The following CA4 variants were observed in gnomAD, a reference collection of about 807,000 sequenced individuals.
The protein encoded by CA4 is carbonic anhydrase 4.
CA4 carries 24 observed loss-of-function variants against 34.5 expected under a neutral mutation model. The observed-to-expected ratio is 0.70, with a 90% CI of 0.50 to 0.98. The LOEUF is 0.98. Ranked by LOEUF, CA4 falls within the 50% of genes least tolerant of loss-of-function variation. CA4 has a pLI of 0.00. For missense variants in CA4, 394 were observed against 396.7 expected (o/e 0.99, Z 0.06); for synonymous variants, 178 against 170.6 (o/e 1.04, Z -0.34).
At chr17:60,168,568 T>C (rs1476422231) in intron 5 of CA4, among the ~76,000 whole-genome samples, 1 of 150,210 alleles carries the variant, frequency 6.7e-6, no homozygotes, top group Admixed American at 6.6e-5. Flanking sequence ...CTTTTTTTTT[T>C]TTCGGTGGGG....
downstream of CA4, among the ~76,000 whole-genome samples, chr17:60,174,888 G>C (rs914915786): frequency 1.3e-5 from 2 of 152,226 alleles, no homozygotes; most frequent in Non-Finnish European, 2.9e-5. Context: ...AAGTCACTGT[G>C]AGCAATGCCA....
At chr17:60,150,708 G>A (rs1044353414) in intron 1 of CA4, among the ~76,000 whole-genome samples, 1 of 98,754 alleles carries the variant, frequency 1.0e-5, no homozygotes, top group Non-Finnish European at 2.0e-5. Context: ...TCTCGGACCC[G>A]CCTCAACGCA....
chr17:60,159,240 T>C lies in CA4; in HGVS notation c.755T>C (p.Phe252Ser). Residue 252 changes from phenylalanine (F) to serine (S), a missense_variant, in exon 8 of 8, where the codon TTC (phenylalanine) becomes TCC (serine). Transcript: ENST00000300900. The part of the protein sequence containing the change: ...IQLHREQILA[F>S]SQKLYYDKEQ... ...CCATCACTTCCGCAGATCCTGGCAT[T>C]CTCTCAGAAGCTGTACTACGACAAG... 1.2e-6 allele frequency: 2 copies of C among 1,602,406 alleles called. No individual in the cohort carries two copies. The highest frequency in any genetic ancestry group is 1.7e-6 in the Non-Finnish European group (2 of 1,174,492).
the CA4 span, among the ~76,000 whole-genome samples, chr17:60,178,093 A>G: frequency 6.6e-6 from 1 of 152,248 alleles, no homozygotes; most frequent in East Asian, 1.9e-4. Flanking sequence ...AAAGACAAAT[A>G]TCAAAATAAA....
chr17:60,159,116 G>T (rs1425062153), intron 7 of CA4, 114 bp from the exon 8 acceptor site: 7 of 878,448 alleles, frequency 8.0e-6, no homozygotes, highest in Non-Finnish European at 1.3e-5. Flanking sequence ...GGGGTTCAGA[G>T]CCCCTCTTTC....
downstream of CA4, among the ~76,000 whole-genome samples, chr17:60,162,364 C>T (rs1035796961): frequency 6.6e-6 from 1 of 152,166 alleles, no homozygotes; most frequent in African/African-American, 2.4e-5. Flanking sequence ...CCACCACCCC[C>T]AGCAGACCCC....
the CA4 span, among the ~76,000 whole-genome samples, chr17:60,176,636 G>T: frequency 1.3e-5 from 2 of 152,008 alleles, no homozygotes; most frequent in African/African-American, 4.8e-5. Context: ...CTCTCTACTT[G>T]CTTCCCTGCC....
intron 2 of CA4, among the ~76,000 whole-genome samples, 172 bp downstream of exon 2, chr17:60,155,539 T>TCA (rs150431420): frequency 2.6e-3 from 370 of 141,686 alleles, no homozygotes; most frequent in East Asian, 0.014. Context: ...TCTCTCTCTC[T>TCA]CACACACACA....
In CA4 at chr17:60,158,411, G is replaced by A. The variant is rs2229178; in HGVS notation, c.709G>A (p.Val237Met). ...CTGCGATGAGAAGGTCGTCTGGACT[G>A]TGTTCCGGGAGCCCATTCAGCTTCA... Reference protein sequence around the residue: ...PTCDEKVVWTVFREPIQLHRE... With the variant: ...PTCDEKVVWTMFREPIQLHRE... Residue 237 changes from valine to methionine, a missense_variant, in exon 7 of 8, where the codon GTG (valine) becomes ATG (methionine). Physicochemically the swap from Val to Met is conservative, Grantham distance 21. Coordinates refer to ENST00000300900, the MANE Select transcript of CA4 (RefSeq NM_000717.5). 6.2e-7 allele frequency: 1 copy of A among 1,614,126 alleles called. No individual in the cohort carries two copies. Among genetic ancestry groups the A allele is most frequent in the Admixed American group, 1.7e-5 (1 of 60,018 alleles).
downstream of CA4, among the ~76,000 whole-genome samples, chr17:60,161,184 C>T (rs1188167464): frequency 6.6e-6 from 1 of 151,888 alleles, no homozygotes; most frequent in African/African-American, 2.4e-5. Context: ...GGGTTGTTTT[C>T]CCTCCTGTGG....
chr17:60,152,108 C>T (rs2083602289), intron 1 of CA4, among the ~76,000 whole-genome samples: 1 of 152,084 alleles, frequency 6.6e-6, no homozygotes, highest in Non-Finnish European at 1.5e-5. Context: ...TGACAGGCGA[C>T]TGACTTTCGG....
chr17:60,166,756 G>A (rs568660058), intron 5 of CA4, among the ~76,000 whole-genome samples: 39 of 151,992 alleles, frequency 2.6e-4, no homozygotes, highest in South Asian at 1.9e-3. Context: ...TCAGGAGTTC[G>A]AGACCAGCCT....
At chr17:60,167,239 G>A (rs2083864767) in intron 5 of CA4, among the ~76,000 whole-genome samples, 1 of 152,188 alleles carries the variant, frequency 6.6e-6, no homozygotes, top group Non-Finnish European at 1.5e-5. Context: ...TTACAGGGAA[G>A]CATGGGTGCA....
chr17:60,153,751 G>C (rs932129433), intron 1 of CA4, among the ~76,000 whole-genome samples: 1 of 152,216 alleles, frequency 6.6e-6, no homozygotes, highest in Non-Finnish European at 1.5e-5. Flanking sequence ...CTGCTGGGGT[G>C]GCGAGTGGCC....
chr17:60,165,613 C>T (rs1276038049), intron 5 of CA4, among the ~76,000 whole-genome samples: 3 of 152,114 alleles, frequency 2.0e-5, no homozygotes, highest in Admixed American at 1.3e-4. Flanking sequence ...CCCCAGGAGC[C>T]GTGGGATTAC....
intron 1 of CA4, among the ~76,000 whole-genome samples, chr17:60,151,839 C>A (rs1567726811): frequency 6.6e-6 from 1 of 152,040 alleles, no homozygotes; most frequent in Non-Finnish European, 1.5e-5. Context: ...TATGGCGACC[C>A]CCAGAGCATC....
chr17:60,159,912 C>T (rs117514549), downstream of CA4, among the ~76,000 whole-genome samples: 22 of 152,216 alleles, frequency 1.4e-4, no homozygotes, highest in East Asian at 3.7e-3. Flanking sequence ...GGCAGAGGCA[C>T]GTGAATCACT....
chr17:60,175,581 A>C (rs568284181), downstream of CA4, among the ~76,000 whole-genome samples: 29 of 149,430 alleles, frequency 1.9e-4, no homozygotes, highest in African/African-American at 6.9e-4. Flanking sequence ...AAAAAAAAAA[A>C]AAGTGTGAAC....
At position 60,155,341 on chromosome 17, in the gene CA4, C is replaced by A; in HGVS notation, c.86C>A (p.Ala29Asp). ...TCACACTGGTGCTACGAGGTTCAAG[C>A]CGAGTCCTCCAACTACCCCTGCTTG... ...AESHWCYEVQ[A>D]ESSNYPCLVP... Residue 29 changes from alanine to aspartate, a missense_variant, in exon 2 of 8, where the codon GCC becomes GAC. Ala to Asp is a moderately radical substitution (Grantham distance 126, BLOSUM62 -2). Transcript: ENST00000300900. 6.2e-7 allele frequency: 1 copy of A among 1,611,318 alleles called. No individual in the cohort carries two copies. The highest frequency in any genetic ancestry group is 8.5e-7 in the Non-Finnish European group (1 of 1,178,830).
Sources: gnomAD v4.1 joint callset for allele counts (sites outside exome capture counted in the v4.1 genomes callset) on GRCh38, gnomAD v4.1.1 for gene constraint, MANE v1.5 for transcripts, NCBI Gene and HGNC (gene_info 2026-07-23, HGNC 2026-07-21) for gene names.